Variants in MOK observed in about 807,000 individuals in gnomAD.
MOK encodes MOK protein kinase.
Under a neutral mutation model 54.2 loss-of-function variants are expected in MOK, and 59 were observed. The ratio of observed to expected loss-of-function variants is 1.09; its 90% CI spans 0.88 to 1.35. The LOEUF is 1.35. Ranked by LOEUF, MOK falls within the 40% of genes most tolerant of loss-of-function variation. MOK has a pLI of 0.00. For synonymous variants in MOK, 210 were observed against 202.7 expected (o/e 1.04, Z -0.31); for missense variants, 517 against 526.2 (o/e 0.98, Z 0.17).
chr14:102,262,935 C>A (rs1313871573), intron 4 of MOK, among the ~76,000 whole-genome samples: 1 of 152,202 alleles, frequency 6.6e-6, no homozygotes, highest in Non-Finnish European at 1.5e-5. Context: ...ATTAGTCAGA[C>A]CCCCAGGAAC....
Position 102,305,001 on chromosome 14 carries a change from C to T in MOK, c.-33G>A, listed in dbSNP as rs370738917. The T allele has an allele frequency of 2.6e-4, 413 of 1,608,312 alleles. No homozygotes were observed. The highest frequency in any genetic ancestry group is 2.0e-3 in the Middle Eastern group (12 of 6,072). On this transcript the variant is annotated 5_prime_UTR_variant, in exon 1 of 12. Coordinates refer to ENST00000361847, the MANE Select transcript of MOK (RefSeq NM_014226.3). ...GCGGAAGCCGGTGACAACCCCTTGC[C>T]GACACTGGACGGAAAAGAAAGAAGC...
rs186238549 is a variant in MOK, at chr14:102,275,420, C to T, written c.122+8058G>A. Among the ~76,000 whole-genome samples the T allele has an allele frequency of 4.6e-3, 707 of 152,082 alleles. 6 individuals carry two copies. The highest frequency in any genetic ancestry group is 0.016 in the African/African-American group (653 of 41,500). On this transcript the variant is annotated intron_variant, in intron 2 of 11. Coordinates refer to ENST00000361847, the MANE Select transcript of MOK (RefSeq NM_014226.3). ...TCTATTAAAAATACAAAAAATTAGC[C>T]GGGCGTGGTGGTGGGCGCCTGCGGT...
rs1234879701 is a variant in MOK at position 102,230,832 on chromosome 14, AG to A, written c.981+874del. Reference sequence around the variant, plus strand: ...CGGAGGGAAGGCCATGGGAAGCCACAGGGAAAAAGCACGTTTGGGGAAAGAT... The same window carrying A: ...CGGAGGGAAGGCCATGGGAAGCCACAGGAAAAAGCACGTTTGGGGAAAGAT... On this transcript the variant is annotated intron_variant, in intron 10 of 11. Coordinates refer to ENST00000361847, the MANE Select transcript of MOK (RefSeq NM_014226.3). This position sits in a 1 kb window ranked among gnomAD's most constrained non-coding sequence, Gnocchi z 4.1. The A allele has an allele frequency of 6.6e-6, 1 of 152,452 alleles. No individual in the cohort carries two copies. The highest frequency in any genetic ancestry group is 1.5e-5 in the Non-Finnish European group (1 of 68,222). The allele number at this position is 152,452 out of a possible 1,614,324, so 9.4% of individuals were successfully genotyped here. A position where few individuals can be genotyped will look rare whatever the true frequency, so the allele number is the denominator to read the frequency against.
At position 102,235,204 on chromosome 14, in the gene MOK, G is replaced by A. The variant is rs2065113421; in HGVS notation, c.591-1415C>T. 1 of 152,250 alleles carries A rather than the reference G, an allele frequency of 6.6e-6. No individual in the cohort carries two copies. The highest frequency in any genetic ancestry group is 1.5e-5 in the Non-Finnish European group (1 of 68,090). 9.4% of individuals were successfully genotyped at this position (152,250 alleles called of 1,614,324 possible). On this transcript the variant is annotated intron_variant, in intron 7 of 11. Coordinates refer to ENST00000361847, the MANE Select transcript of MOK (RefSeq NM_014226.3). The surrounding 1 kb of genome is among the most constrained non-coding windows in gnomAD (Gnocchi z 4.4). ...AACACGCCCAGCAGCCTGCTCCCTTGCTTCTTCTCCGGGAAGTGGCATGGG... is the reference window on the plus strand; with the variant it reads ...AACACGCCCAGCAGCCTGCTCCCTTACTTCTTCTCCGGGAAGTGGCATGGG...
At chr14:102,271,912 T>G (rs1000307653) in intron 2 of MOK, among the ~76,000 whole-genome samples, 5 of 152,118 alleles carry the variant, frequency 3.3e-5, no homozygotes, top group Non-Finnish European at 7.3e-5. Context: ...AGGGTCTCAC[T>G]CTGTGGCCCA....
Position 102,231,584 on chromosome 14 carries a change from G to C in MOK, c.981+123C>G. On this transcript the variant is annotated intron_variant, in intron 10 of 11. Transcript: ENST00000361847. The surrounding 1 kb of genome is among the most constrained non-coding windows in gnomAD (Gnocchi z 4.4). ...TCAACTCGCATGCTGTTCAGGCCTC[G>C]ACTGACAATGTGGTCTGCCACAGCC... The C allele has an allele frequency of 1.3e-6, 1 of 789,986 alleles. No homozygotes were observed. 48.9% of individuals were successfully genotyped at this position (789,986 alleles called of 1,614,324 possible).
chr14:102,218,370 C>T, the MOK span, among the ~76,000 whole-genome samples: 1 of 152,120 alleles, frequency 6.6e-6, no homozygotes, highest in Non-Finnish European at 1.5e-5. Context: ...AAGGGGAAGC[C>T]CTCCCAGAAC....
chr14:102,294,105 GC>G (rs955613241), intron 1 of MOK, among the ~76,000 whole-genome samples: 3 of 150,856 alleles, frequency 2.0e-5, no homozygotes, highest in Non-Finnish European at 4.4e-5. Context: ...TTTGAGACCA[GC>G]CTGGGTAACA....
chr14:102,260,441 T>C (rs2067296686), intron 4 of MOK: 1 of 152,200 alleles, frequency 6.6e-6, no homozygotes, highest in Admixed American at 6.5e-5. Flanking sequence ...CCTGGCCATA[T>C]GGGTACCATT....
chr14:102,233,743 T>C lies in MOK; in HGVS notation c.637A>G (p.Lys213Glu). ...PGVNELDQIS[K>E]IHDVIGTPAQ... is the part of the protein sequence containing the mutation. Reference sequence around the variant, plus strand: ...GGTGTGCCGATGACATCGTGGATTTTTGAGATTTGGTCCAGTTCATTTACT... The same window carrying C: ...GGTGTGCCGATGACATCGTGGATTTCTGAGATTTGGTCCAGTTCATTTACT... The change falls in exon 8 of 12, where the codon AAA becomes GAA. Residue 213 changes from lysine to glutamate, a missense_variant. Transcript: ENST00000361847. 6.2e-7 allele frequency: 1 copy of C among 1,614,130 alleles called. No individual in the cohort carries two copies. Among genetic ancestry groups the C allele is most frequent in the Non-Finnish European group, 8.5e-7 (1 of 1,179,992 alleles).
At chr14:102,216,711 C>T in the MOK span, among the ~76,000 whole-genome samples, 1 of 152,170 alleles carries the variant, frequency 6.6e-6, no homozygotes, top group Non-Finnish European at 1.5e-5. Context: ...GGGTGGATCA[C>T]CTGAGCCCAG....
At chr14:102,297,814 G>A (rs916839829) in intron 1 of MOK, among the ~76,000 whole-genome samples, 11 of 152,178 alleles carry the variant, frequency 7.2e-5, no homozygotes, top group African/African-American at 2.2e-4. Context: ...GGGCAGTGAC[G>A]GGTTTAGCAC....
intron 2 of MOK, among the ~76,000 whole-genome samples, chr14:102,269,110 T>A (rs2068145097): frequency 6.6e-6 from 1 of 152,066 alleles, no homozygotes; most frequent in African/African-American, 2.4e-5. Context: ...CTACTACTTA[T>A]GATTTCATGA....
intron 7 of MOK, among the ~76,000 whole-genome samples, chr14:102,246,744 C>G (rs2066123570): frequency 1.3e-5 from 2 of 152,196 alleles, no homozygotes; most frequent in South Asian, 4.1e-4. Context: ...CTTACGCAAC[C>G]TGGCCCTACC....
downstream of MOK, chr14:102,223,150 A>C: frequency 7.1e-6 from 2 of 281,112 alleles, no homozygotes; most frequent in Non-Finnish European, 1.3e-5. Flanking sequence ...CTAAAATTCA[A>C]TGTAATTAAA....
rs1407564859 is a variant in MOK, at chr14:102,250,793, G to A, written c.590+19C>T. 2 of 1,608,516 alleles carry A rather than the reference G, an allele frequency of 1.2e-6. No homozygotes were observed. The highest frequency in any genetic ancestry group is 1.7e-6 in the Non-Finnish European group (2 of 1,176,332). ...CCGCTCCGCCGCAGGAACCAGGCAGGAGCCTGGCCTGGTGCTACCTGGCGA... is the reference window on the plus strand; with the variant it reads ...CCGCTCCGCCGCAGGAACCAGGCAGAAGCCTGGCCTGGTGCTACCTGGCGA... On this transcript the variant is annotated intron_variant, in intron 7 of 11. Transcript: ENST00000361847.
intron 1 of MOK, among the ~76,000 whole-genome samples, chr14:102,297,489 T>G (rs1317016004): frequency 6.6e-6 from 1 of 152,240 alleles, no homozygotes; most frequent in Non-Finnish European, 1.5e-5. Flanking sequence ...TGAGAGGTGA[T>G]AGCGTGCTGG....
rs1270365131 is a variant in MOK at position 102,233,684 on chromosome 14, T to C, written c.692+4A>G. 6.2e-7 allele frequency: 1 copy of C among 1,610,188 alleles called. No individual in the cohort carries two copies. The highest frequency in any genetic ancestry group is 1.1e-5 in the South Asian group (1 of 90,994). On this transcript the variant is annotated splice_donor_region_variant and intron_variant, in intron 8 of 11. Transcript: ENST00000361847. ...CACATCCACTCTCAGAACACAATAC[T>C]TACTGTTTGAACTTGGTGAGGATCT...
In MOK at chr14:102,283,460, T is replaced by G. The variant is rs1597538133; in HGVS notation, c.122+18A>C. The G allele has an allele frequency of 6.4e-7, 1 of 1,552,092 alleles. No homozygotes were observed. Among genetic ancestry groups the G allele is most frequent in the African/African-American group, 1.4e-5 (1 of 73,106 alleles). On this transcript the variant is annotated intron_variant, in intron 2 of 11. Coordinates refer to ENST00000361847, the MANE Select transcript of MOK (RefSeq NM_014226.3). ...ACTTGGATCTGTGTTTGGTCCCAAGTGCATCTCTGTAGCCTACCTTTCAAA... is the reference window on the plus strand; with the variant it reads ...ACTTGGATCTGTGTTTGGTCCCAAGGGCATCTCTGTAGCCTACCTTTCAAA...
Sources: gnomAD v4.1 joint callset for allele counts (sites outside exome capture counted in the v4.1 genomes callset) on GRCh38, gnomAD v4.1.1 for gene constraint, Gnocchi (gnomAD v3.1) non-coding constraint, MANE v1.5 for transcripts, NCBI Gene and HGNC (gene_info 2026-07-23, HGNC 2026-07-21) for gene names.